Variants in FGGY observed in about 807,000 individuals in gnomAD.
The protein encoded by FGGY is FGGY carbohydrate kinase domain-containing protein.
In FGGY, 72 loss-of-function variants were observed where a neutral mutation model predicts 71.3. The ratio of observed to expected loss-of-function variants is 1.01; its 90% CI spans 0.84 to 1.23. FGGY has a LOEUF of 1.23. Ranked by LOEUF, FGGY falls within the 50% of genes most tolerant of loss-of-function variation. The pLI is 0.00. For synonymous variants in FGGY, 251 were observed against 250.3 expected (o/e 1.00, Z -0.02); for missense variants, 668 against 682.3 (o/e 0.98, Z 0.23).
intron 6 of FGGY, among the ~76,000 whole-genome samples, chr1:59,462,931 C>G (rs899621227): frequency 2.0e-5 from 3 of 151,644 alleles, no homozygotes; most frequent in African/African-American, 7.3e-5. Context: ...CTAGAAATAC[C>G]ATTTGACCCA....
At chr1:59,627,213 A>C (rs1288983440) in intron 10 of FGGY, among the ~76,000 whole-genome samples, 1 of 151,998 alleles carries the variant, frequency 6.6e-6, no homozygotes, top group Admixed American at 6.5e-5. Flanking sequence ...TTTGGGAAAG[A>C]ATATTTTGAC....
At chr1:59,678,315 C>T (rs1463955878) in intron 14 of FGGY, among the ~76,000 whole-genome samples, 5 of 152,132 alleles carry the variant, frequency 3.3e-5, no homozygotes, top group Non-Finnish European at 7.4e-5. Flanking sequence ...TGATCCCTCC[C>T]CCATCATCAG....
intron 11 of FGGY, among the ~76,000 whole-genome samples, chr1:59,653,313 T>C (rs892951516): frequency 2.0e-5 from 3 of 152,252 alleles, no homozygotes; most frequent in South Asian, 2.1e-4. Context: ...TTTGTTTACC[T>C]AAGCAAGCCT....
intron 6 of FGGY, among the ~76,000 whole-genome samples, chr1:59,506,952 C>T (rs1570379661): frequency 1.3e-5 from 2 of 152,086 alleles, no homozygotes; most frequent in African/African-American, 4.8e-5. Flanking sequence ...ACAAATAGTT[C>T]ATCTACTTTC....
chr1:59,578,443 A>C (rs1337852605), intron 8 of FGGY, among the ~76,000 whole-genome samples: 1 of 152,106 alleles, frequency 6.6e-6, no homozygotes, highest in East Asian at 1.9e-4. Context: ...CCAGCTGTCC[A>C]GCAGGAAAAA....
intron 11 of FGGY, among the ~76,000 whole-genome samples, chr1:59,652,265 C>A (rs2153937526): frequency 6.8e-6 from 1 of 146,796 alleles, no homozygotes; most frequent in South Asian, 2.2e-4. Flanking sequence ...ATCTTTGTGG[C>A]ATTCTCTGTA....
At chr1:59,467,158 A>G (rs1441912605) in intron 6 of FGGY, among the ~76,000 whole-genome samples, 1 of 152,194 alleles carries the variant, frequency 6.6e-6, no homozygotes, top group African/African-American at 2.4e-5. Flanking sequence ...ACACCATGGA[A>G]TACTATGCAG....
chr1:59,342,044 G>A, intron 3 of FGGY, among the ~76,000 whole-genome samples: 1 of 152,152 alleles, frequency 6.6e-6, no homozygotes, highest in Non-Finnish European at 1.5e-5. Context: ...GCCTGATTTT[G>A]GGTGGAACTT....
intron 6 of FGGY, among the ~76,000 whole-genome samples, chr1:59,472,512 G>T (rs769655640): frequency 2.0e-5 from 3 of 152,262 alleles, no homozygotes; most frequent in African/African-American, 7.2e-5. Flanking sequence ...CTGCAGCCCC[G>T]GTGCGGGATC....
chr1:59,382,670 G>C (rs2059613133), intron 5 of FGGY, among the ~76,000 whole-genome samples: 1 of 152,182 alleles, frequency 6.6e-6, no homozygotes, highest in African/African-American at 2.4e-5. Context: ...ATCCGTGAAA[G>C]AAATGTTTTG....
chr1:59,323,517 G>C (rs2046779477), intron 2 of FGGY, among the ~76,000 whole-genome samples: 1 of 152,216 alleles, frequency 6.6e-6, no homozygotes, highest in Non-Finnish European at 1.5e-5. Context: ...ATCATTGCTG[G>C]TGTGAGGCTT....
chr1:59,685,791 A>G (rs917632022), intron 14 of FGGY, among the ~76,000 whole-genome samples: 2 of 152,116 alleles, frequency 1.3e-5, no homozygotes, highest in African/African-American at 2.4e-5. Context: ...GTCTCGCTCT[A>G]TTGCCCAGGC....
intron 4 of FGGY, among the ~76,000 whole-genome samples, chr1:59,369,229 G>A (rs911498610): frequency 2.6e-5 from 4 of 152,184 alleles, no homozygotes; most frequent in Admixed American, 6.5e-5. Flanking sequence ...CTTTTCCGAC[G>A]GGCTTAAAAA....
rs532343852 is a variant in FGGY, at chr1:59,720,152, C to G, written c.1513-37779C>G. On this transcript the variant is annotated intron_variant, in intron 14 of 15. Transcript: ENST00000303721. ...ATTTCATCATCATTCAGGATACCTT[C>G]TCTCATTATGTGGGACTGAAAATAG... Among the ~76,000 whole-genome samples, 4 of 152,318 alleles carry G rather than the reference C, an allele frequency of 2.6e-5. No homozygotes were observed. In the South Asian group the frequency reaches 6.2e-4, roughly 24 times the overall value.
chr1:59,617,580 A>G (rs1324105943), intron 9 of FGGY, among the ~76,000 whole-genome samples: 3 of 152,088 alleles, frequency 2.0e-5, no homozygotes, highest in Non-Finnish European at 4.4e-5. Context: ...TCTCTTCTGA[A>G]TAGTTGTGCA....
At chr1:59,451,629 T>C (rs2072756389) in intron 5 of FGGY, among the ~76,000 whole-genome samples, 1 of 152,140 alleles carries the variant, frequency 6.6e-6, no homozygotes, top group African/African-American at 2.4e-5. Context: ...TTCCACCATA[T>C]TGAGAAAGCT....
chr1:59,485,118 G>T (rs530594999), intron 6 of FGGY, among the ~76,000 whole-genome samples: 45 of 152,178 alleles, frequency 3.0e-4, no homozygotes, highest in Non-Finnish European at 4.6e-4. Context: ...AATAAAATAG[G>T]ATAGGACTGG....
intron 14 of FGGY, among the ~76,000 whole-genome samples, chr1:59,685,129 T>C (rs573544052): frequency 5.5e-4 from 84 of 152,248 alleles, no homozygotes; most frequent in African/African-American, 1.9e-3. Flanking sequence ...AGCCCTGTGC[T>C]TTGGAGGGCA....
chr1:59,366,183 G>T (rs2056555150), intron 4 of FGGY, among the ~76,000 whole-genome samples: 1 of 152,146 alleles, frequency 6.6e-6, no homozygotes. Context: ...AGCCCTTCAG[G>T]GGGAGGAAAG....
Sources: gnomAD v4.1 joint callset for allele counts (sites outside exome capture counted in the v4.1 genomes callset) on GRCh38, gnomAD v4.1.1 for gene constraint, MANE v1.5 for transcripts, NCBI Gene and HGNC (gene_info 2026-07-23, HGNC 2026-07-21) for gene names.